PHF8: variants seen among roughly 807,000 people sequenced by gnomAD.
PHF8 encodes the protein histone lysine demethylase PHF8.
A neutral mutation model predicts 74.4 loss-of-function variants in PHF8; 9 were observed. That is an observed-to-expected ratio of 0.12 (90% CI 0.07 to 0.21). PHF8 has a LOEUF of 0.21. PHF8 is among the 10% of genes least tolerant of loss of function. PHF8 has a pLI of 1.00. For missense variants in PHF8, 478 were observed against 816.6 expected (o/e 0.59, Z 5.05); for synonymous variants, 311 against 316.6 (o/e 0.98, Z 0.19).
At chrX:54,018,913 C>T (rs1010278909) in intron 4 of PHF8, among the ~76,000 whole-genome samples, 1 of 111,787 alleles carries the variant, frequency 8.9e-6, no homozygotes, top group African/African-American at 3.3e-5. Flanking sequence ...AGCCACTGTG[C>T]CTGGCCTGCC....
intron 18 of PHF8, among the ~76,000 whole-genome samples, chrX:53,980,789 TAGAAATAAACTGAAGA>T (rs1736391004): frequency 8.9e-6 from 1 of 112,787 alleles, no homozygotes; most frequent in Non-Finnish European, 1.9e-5. Context: ...ATAAAATTTC[TAGAAATAAACTGAAGA>T]AGAAATAAAC....
In PHF8 at chrX:53,938,267, C is replaced by A; in HGVS notation, c.*891G>T. 1 of 1,029,202 alleles carries A rather than the reference C, an allele frequency of 9.7e-7. No homozygotes were observed. The highest frequency in any genetic ancestry group is 1.2e-6 in the Non-Finnish European group (1 of 809,174). The allele number at this position is 1,029,202 out of a possible 1,213,427, so 84.8% of individuals were successfully genotyped here. On this transcript the variant is annotated 3_prime_UTR_variant, in exon 22 of 22. Transcript: ENST00000338154. ...GGGCCAGGGTTATCTGCGTCATTGG[C>A]AGGTGCTTTCAGGTTTCTGGGAGAT...
intron 4 of PHF8, 102 bp from the exon 5 acceptor site, chrX:54,017,923 C>T: frequency 1.3e-6 from 1 of 762,885 alleles, no homozygotes; most frequent in Non-Finnish European, 2.0e-6. Flanking sequence ...TATGAGGGGA[C>T]TTAATGTGAG....
intron 14 of PHF8, among the ~76,000 whole-genome samples, chrX:53,989,014 T>TA (rs1557100578): frequency 1.9e-5 from 2 of 107,433 alleles, no homozygotes; most frequent in Non-Finnish European, 3.8e-5. Context: ...CAGGCTGGAG[T>TA]ACAGTGGCAT....
At chrX:53,974,302 T>TATGAAAAAAAGCTCA (rs1488428497) in intron 18 of PHF8, among the ~76,000 whole-genome samples, 1 of 110,323 alleles carries the variant, frequency 9.1e-6, no homozygotes, top group Non-Finnish European at 1.9e-5. Context: ...GCGGCCATCA[T>TATGAAAAAAAGCTCA]ATGAAAAAAA....
At position 53,998,524 on chromosome X, in the gene PHF8, C is replaced by T. The variant is rs1306120132; in HGVS notation, c.1233+1346G>A. Among the ~76,000 whole-genome samples, 3 of 110,935 alleles carry T rather than the reference C, an allele frequency of 2.7e-5. No individual in the cohort carries two copies. In the East Asian group the frequency reaches 8.4e-4, roughly 31 times the overall value. ...GAAAAGCTTCATTCCTACCCTGTCC[C>T]TGCCATCAATCCCACCCTGCCCCTG... On this transcript the variant is annotated intron_variant, in intron 11 of 21. Transcript: ENST00000338154.
chrX:53,975,345 T>C (rs1399782867), intron 18 of PHF8, among the ~76,000 whole-genome samples: 2 of 111,942 alleles, frequency 1.8e-5, no homozygotes, highest in African/African-American at 6.5e-5. Context: ...AGAACTACCA[T>C]ATGATCCAGC....
intron 19 of PHF8, among the ~76,000 whole-genome samples, chrX:53,957,550 C>A (rs992111913): frequency 9.0e-6 from 1 of 110,505 alleles, no homozygotes; most frequent in African/African-American, 3.3e-5. Context: ...AACAAACAAA[C>A]AAAAAAACCC....
intron 18 of PHF8, among the ~76,000 whole-genome samples, chrX:53,984,513 G>C (rs1193439386): frequency 1.8e-5 from 2 of 111,827 alleles, no homozygotes; most frequent in African/African-American, 6.5e-5. Flanking sequence ...TCACTGAAAG[G>C]TCATTATGTA....
At position 54,016,791 on chromosome X, in the gene PHF8, C is replaced by A; in HGVS notation, c.455-55G>T. On this transcript the variant is annotated intron_variant, in intron 5 of 21. Coordinates refer to ENST00000338154, the MANE Select transcript of PHF8 (RefSeq NM_015107.3). ...GTAGTCTCAGGGACTGTGGAAGACT[C>A]TCTTGTCCCCTCATCAGTCCCTAGA... 10 of 967,800 alleles carry A rather than the reference C, an allele frequency of 1.0e-5. 1 individual carries two copies. In the South Asian group the frequency reaches 2.0e-4, roughly 19 times the overall value. 79.8% of individuals were successfully genotyped at this position (967,800 alleles called of 1,213,427 possible).
rs782587670 is a variant in PHF8, at chrX:53,987,814, T to G, written c.1861A>C (p.Ile621Leu). ...FDLDSDDELQ[I>L]DERLGKEKAT... ...TTCTCCTTTCCCAATCTCTCGTCAA[T>G]CTGCAGCTCATCATCTGAATCCAAG... is the stretch of plus-strand genomic sequence containing the variant. Residue 621 changes from isoleucine to leucine, a missense_variant, in exon 15 of 22, where the codon ATT (isoleucine) becomes CTT (leucine). Coordinates refer to ENST00000338154, the MANE Select transcript of PHF8 (RefSeq NM_015107.3). 1 of 1,207,257 alleles carries G rather than the reference T, an allele frequency of 8.3e-7. No individual in the cohort carries two copies. Among genetic ancestry groups the G allele is most frequent in the Non-Finnish European group, 1.1e-6 (1 of 893,270 alleles).
chrX:54,038,475 A>G (rs181678854), intron 2 of PHF8, among the ~76,000 whole-genome samples: 2 of 111,829 alleles, frequency 1.8e-5, no homozygotes, highest in African/African-American at 6.5e-5. Context: ...GGCCCTTCTT[A>G]CCTACTGAAT....
chrX:54,037,215 C>A (rs1220577663), intron 2 of PHF8, among the ~76,000 whole-genome samples: 2 of 111,343 alleles, frequency 1.8e-5, no homozygotes, highest in African/African-American at 6.5e-5. Flanking sequence ...TCTAGCAAGT[C>A]TGACAAATAC....
intron 18 of PHF8, among the ~76,000 whole-genome samples, chrX:53,978,769 G>A (rs781917308): frequency 1.0e-5 from 1 of 100,472 alleles, no homozygotes; most frequent in African/African-American, 3.8e-5. Context: ...TTGCCCTCCA[G>A]CCCAGGCGAC....
intron 13 of PHF8, among the ~76,000 whole-genome samples, chrX:53,993,292 C>A (rs188987820): frequency 1.8e-5 from 2 of 111,806 alleles, no homozygotes; most frequent in Admixed American, 1.9e-4. Context: ...ATCAACCCTC[C>A]TCTGTATCTC....
chrX:54,026,948 G>A (rs1044437504), intron 2 of PHF8, among the ~76,000 whole-genome samples: 4 of 111,323 alleles, frequency 3.6e-5, no homozygotes, highest in Non-Finnish European at 5.7e-5. Flanking sequence ...ACCAAGAAGC[G>A]ATGCACTTCC....
chrX:53,938,526 G>A lies in PHF8; in HGVS notation c.*632C>T. 5 of 759,470 alleles carry A rather than the reference G, an allele frequency of 6.6e-6. No individual in the cohort carries two copies. Among genetic ancestry groups the A allele is most frequent in the Non-Finnish European group, 7.8e-6 (5 of 642,614 alleles). 62.6% of individuals were successfully genotyped at this position (759,470 alleles called of 1,213,427 possible). ...ATAGGAATCACCTTTCTTTTGAAAG[G>A]TAAGTGAAGTTGGCATTTCTAGGCC... is the stretch of plus-strand genomic sequence containing the variant. On this transcript the variant is annotated 3_prime_UTR_variant, in exon 22 of 22. Transcript: ENST00000338154.
intron 18 of PHF8, among the ~76,000 whole-genome samples, chrX:53,966,235 C>A (rs782345552): frequency 1.2e-4 from 13 of 111,263 alleles, no homozygotes; most frequent in African/African-American, 4.2e-4. Flanking sequence ...TCCCTCTCCC[C>A]ACGGTCTCCC....
chrX:53,995,175 T>C (rs1557102451), intron 12 of PHF8: 1 of 342,544 alleles, frequency 2.9e-6, no homozygotes. Context: ...TGTTGAAACA[T>C]GGCTTTGTAA....
Sources: allele counts gnomAD v4.1 joint callset (sites outside exome capture counted in the v4.1 genomes callset), GRCh38; gene constraint gnomAD v4.1.1; transcripts MANE v1.5; gene names NCBI Gene and HGNC (gene_info 2026-07-23, HGNC 2026-07-21).